TTLL8: variants seen among roughly 807,000 people sequenced by gnomAD.
The protein encoded by TTLL8 is tubulin tyrosine ligase like 8.
In TTLL8, 65 loss-of-function variants were observed where a neutral mutation model predicts 77.8. That is an observed-to-expected ratio of 0.84 (90% CI 0.68 to 1.03). The LOEUF (loss-of-function observed/expected upper bound fraction) is 1.03. Among genes scored for constraint, TTLL8 ranks in the 50% least tolerant of loss-of-function variants. The pLI is 0.00. For missense variants in TTLL8, 910 were observed against 1,004.5 expected (o/e 0.91, Z 1.27); for synonymous variants, 402 against 422.8 (o/e 0.95, Z 0.60).
intron 4 of TTLL8, chr22:50,046,966 A>T (rs1239323223): frequency 3.6e-5 from 21 of 576,216 alleles, no homozygotes; most frequent in Non-Finnish European, 4.4e-5. Flanking sequence ...TCACCCAGAG[A>T]CACAGAGCAA....
intron 8 of TTLL8, among the ~76,000 whole-genome samples, chr22:50,040,187 G>A (rs1418205007): frequency 8.0e-5 from 12 of 149,712 alleles, no homozygotes; most frequent in Admixed American, 5.3e-4. Flanking sequence ...CAGCGTGGAC[G>A]GACCTCACGG....
At position 50,042,730 on chromosome 22, in the gene TTLL8, G is replaced by A. The variant is rs577118973; in HGVS notation, c.644-923C>T. ...GGATCGCTGGAGCCTGAAAGTTTGA[G>A]ACTAGCCTGGGCAACACAGTGAGAC... On this transcript the variant is annotated intron_variant, in intron 6 of 13. Transcript: ENST00000266182. Among the ~76,000 whole-genome samples the A allele has an allele frequency of 2.0e-5, 3 of 152,268 alleles. No homozygotes were observed. In the South Asian group the frequency reaches 6.2e-4, roughly 32 times the overall value.
At chr22:50,047,194 C>T (rs369043636) in exon 4 of TTLL8, 34 of 1,367,522 alleles carry the variant, frequency 2.5e-5, no homozygotes, top group Middle Eastern at 4.2e-4. Flanking sequence ...GCTGTCTTTG[C>T]GTAGTGGTTC....
chr22:50,030,886 A>T (rs1183237241), exon 12 of TTLL8: 1 of 1,325,118 alleles, frequency 7.5e-7, no homozygotes, highest in Non-Finnish European at 9.9e-7. Context: ...CCCGCCACGC[A>T]GAGGTCGGAC....
intron 3 of TTLL8, 159 bp downstream of exon 5, chr22:50,049,090 G>A: frequency 1.0e-6 from 1 of 956,734 alleles, no homozygotes; most frequent in Non-Finnish European, 1.2e-6. Context: ...GGGGCAGCCA[G>A]GCCCTGCTGC....
intron 2 of TTLL8, 38 bp from the exon 5 acceptor site, chr22:50,049,360 C>T (rs1177873787): frequency 1.5e-6 from 2 of 1,366,430 alleles, no homozygotes; most frequent in Non-Finnish European, 2.0e-6. Flanking sequence ...AACATGAAGC[C>T]TCAGCCAGAC....
chr22:50,033,070 T>C (rs1477446223), intron 10 of TTLL8, 132 bp downstream of exon 11: 70 of 1,145,860 alleles, frequency 6.1e-5, no homozygotes, highest in Non-Finnish European at 7.8e-5. Flanking sequence ...AGTTTCCCCA[T>C]CTGTGCCTCT....
chr22:50,050,830 G>T (rs948924452), intron 1 of TTLL8, among the ~76,000 whole-genome samples: 1 of 152,170 alleles, frequency 6.6e-6, no homozygotes, highest in Non-Finnish European at 1.5e-5. Flanking sequence ...CTTACTTGAT[G>T]TATCACGACC....
At position 50,044,462 on chromosome 22, in the gene TTLL8, T is replaced by G. The variant is rs2061395541; in HGVS notation, c.643+793A>C. 6.6e-6 allele frequency among the ~76,000 whole-genome samples: 1 copy of G among 152,114 alleles called. No individual in the cohort carries two copies. The highest frequency in any genetic ancestry group is 1.5e-5 in the Non-Finnish European group (1 of 68,016). On this transcript the variant is annotated intron_variant, in intron 6 of 13. Coordinates refer to ENST00000266182, the Ensembl canonical transcript of TTLL8. The surrounding 1 kb of genome is among the most constrained non-coding windows in gnomAD (Gnocchi z 4.2). ...TCACAGGCAGCCAGCTGGGAACAAGTTCTCACTCAGCACAAATGAAGCCAC... is the reference window on the plus strand; with the variant it reads ...TCACAGGCAGCCAGCTGGGAACAAGGTCTCACTCAGCACAAATGAAGCCAC...
At chr22:50,030,357 G>T in intron 12 of TTLL8, 73 bp downstream of exon 13, 1 of 1,203,396 alleles carries the variant, frequency 8.3e-7, no homozygotes. Context: ...AGGATGCAGC[G>T]GCTGCTGGCG....
At chr22:50,043,396 GA>G (rs2061386040) in intron 6 of TTLL8, among the ~76,000 whole-genome samples, 1 of 50,722 alleles carries the variant, frequency 2.0e-5, no homozygotes, top group African/African-American at 8.5e-5. Context: ...GTGGTGCCGA[GA>G]CGTCCTTCGG....
chr22:50,034,849 C>T lies in TTLL8; in HGVS notation c.922-387G>A, dbSNP rs920181749. 1.3e-4 allele frequency among the ~76,000 whole-genome samples: 20 copies of T among 152,178 alleles called. No individual in the cohort carries two copies. Among genetic ancestry groups the T allele is most frequent in the Non-Finnish European group, 2.2e-4 (15 of 68,036 alleles). ...CGTGGGAGACACAGGCGGGGGCAGACGCAGCCATGCCCAGCTTCCGCCTGT... is the reference window on the plus strand; with the variant it reads ...CGTGGGAGACACAGGCGGGGGCAGATGCAGCCATGCCCAGCTTCCGCCTGT... On this transcript the variant is annotated intron_variant, in intron 8 of 13. Coordinates refer to ENST00000266182, the Ensembl canonical transcript of TTLL8. This position sits in a 1 kb window ranked among gnomAD's most constrained non-coding sequence, Gnocchi z 4.1.
At chr22:50,055,966 A>G (rs985449705), upstream of TTLL8, among the ~76,000 whole-genome samples, 9 of 152,226 alleles carry the variant, frequency 5.9e-5, no homozygotes, top group African/African-American at 2.2e-4. Flanking sequence ...CACAGGTCAT[A>G]AAGACCGTGT....
exon 12 of TTLL8, chr22:50,030,923 C>A (rs571616944): frequency 1.5e-6 from 2 of 1,318,322 alleles, no homozygotes; most frequent in East Asian, 9.9e-5. Context: ...GCTCAACCAC[C>A]GGCTGTGGGG....
chr22:50,028,583 C>CACACCGTCCTGAAGACCCCCA, intron 12 of TTLL8, among the ~76,000 whole-genome samples: 1 of 144,682 alleles, frequency 6.9e-6, no homozygotes, highest in South Asian at 2.2e-4. Flanking sequence ...AAGACCCCCA[C>CACACCGTCCTGAAGACCCCCA]CATGCCCTCG....
chr22:50,035,041 G>A (rs1271193239), intron 8 of TTLL8, among the ~76,000 whole-genome samples: 3 of 152,204 alleles, frequency 2.0e-5, no homozygotes, highest in Admixed American at 2.0e-4. Flanking sequence ...TAACCACAGG[G>A]AATAAGGAGA....
chr22:50,030,710 C>T (rs777927949), exon 12 of TTLL8: 2 of 1,300,544 alleles, frequency 1.5e-6, no homozygotes, highest in South Asian at 2.6e-5. Flanking sequence ...CCTTCTCTTC[C>T]TTCAGTCCCA....
At chr22:50,033,483 A>G in intron 9 of TTLL8, 38 bp from the exon 11 acceptor site, 1 of 1,337,038 alleles carries the variant, frequency 7.5e-7, no homozygotes. Flanking sequence ...ATGCACAGCC[A>G]CTGTGCAGCG....
At chr22:50,046,149 C>T (rs984775168) in intron 4 of TTLL8, among the ~76,000 whole-genome samples, 179 bp from the exon 7 acceptor site, 2 of 152,204 alleles carry the variant, frequency 1.3e-5, no homozygotes, top group Admixed American at 6.5e-5. Flanking sequence ...CCAGAACACC[C>T]CCTCCAGCCG....
Sources: allele counts gnomAD v4.1 joint callset (sites outside exome capture counted in the v4.1 genomes callset), GRCh38; gene constraint gnomAD v4.1.1; non-coding constraint Gnocchi (gnomAD v3.1); transcripts MANE v1.5; gene names NCBI Gene and HGNC (gene_info 2026-07-23, HGNC 2026-07-21).